The following TRPA1 variants were observed in gnomAD, a reference collection of about 807,000 sequenced individuals.
The protein encoded by TRPA1 is transient receptor potential cation channel subfamily A member 1, also known as ankyrin-like with transmembrane domains 1.
TRPA1 carries 129 observed loss-of-function variants against 131.3 expected under a neutral mutation model. That is an observed-to-expected ratio of 0.98 (90% CI 0.85 to 1.14). TRPA1 has a LOEUF of 1.14. Ranked by LOEUF, TRPA1 falls within the 50% of genes most tolerant of loss-of-function variation. The pLI is 0.00. For synonymous variants in TRPA1, 441 were observed against 451.7 expected, an observed-to-expected ratio of 0.98 and a Z score of 0.30; for missense variants, 1,304 against 1,354.2, an observed-to-expected ratio of 0.96 and a Z score of 0.58.
At chr8:72,057,629 C>A (rs1446198100) in intron 9 of TRPA1, 88 bp downstream of exon 9, 1 of 1,008,918 alleles carries the variant, frequency 9.9e-7, no homozygotes, top group Admixed American at 1.7e-5. Context: ...TGGTGGCACA[C>A]AATGAATGTT....
At chr8:72,057,871 A>G in intron 8 of TRPA1, 55 bp from the exon 9 acceptor site, 2 of 1,314,244 alleles carry the variant, frequency 1.5e-6, no homozygotes, top group Non-Finnish European at 2.2e-6. Context: ...AAATCATAAT[A>G]TATTGTAATC....
intron 23 of TRPA1, among the ~76,000 whole-genome samples, chr8:72,030,179 C>T (rs1182635946): frequency 6.6e-6 from 1 of 152,110 alleles, no homozygotes; most frequent in African/African-American, 2.4e-5. Context: ...AGAACCCATT[C>T]CTCATAGGTG....
intron 24 of TRPA1, among the ~76,000 whole-genome samples, chr8:72,028,884 C>T (rs755816500): frequency 6.6e-6 from 1 of 152,120 alleles, no homozygotes; most frequent in Admixed American, 6.5e-5. Flanking sequence ...GAAGAGGAGA[C>T]AAGAGTGAAT....
intron 4 of TRPA1, among the ~76,000 whole-genome samples, chr8:72,065,179 T>C (rs1387031108): frequency 2.0e-5 from 3 of 152,202 alleles, no homozygotes. Context: ...ACCAGCTTCA[T>C]CTCAACTTTT....
chr8:72,055,157 C>T (rs1805630137), intron 12 of TRPA1: 1 of 398,268 alleles, frequency 2.5e-6, no homozygotes, highest in South Asian at 2.8e-5. Context: ...AAGAAAGGTT[C>T]TGAGAAAGAC....
chr8:72,032,395 A>G (rs1052221079), intron 23 of TRPA1, among the ~76,000 whole-genome samples: 10 of 152,190 alleles, frequency 6.6e-5, no homozygotes, highest in Admixed American at 1.3e-4. Context: ...AGCAGATGTG[A>G]CAGCCAAAGA....
In TRPA1 at chr8:72,065,472, A is replaced by G; in HGVS notation, c.531T>C (p.Asn177=). The change falls in exon 4 of 27, where the codon AAT becomes AAC. Residue 177 remains asparagine (N), a synonymous_variant. Transcript: ENST00000262209. ...AAACCAAAATCTGCAATGCTTCGCT[A>G]TTATTTGTGGTGCACGCAATGATCA... The part of the protein sequence containing the change: ...TAVIIACTTN[N]SEALQILLKK... The G allele has an allele frequency of 1.9e-6, 3 of 1,613,488 alleles. No homozygotes were observed. Among genetic ancestry groups the G allele is most frequent in the Non-Finnish European group, 2.5e-6 (3 of 1,179,624 alleles).
intron 23 of TRPA1, among the ~76,000 whole-genome samples, chr8:72,030,621 A>T (rs1811781131): frequency 6.6e-6 from 1 of 152,122 alleles, no homozygotes; most frequent in Non-Finnish European, 1.5e-5. Flanking sequence ...GTTTTTTTTA[A>T]ATGAGAGGGA....
chr8:72,047,924 C>T (rs1000422769), intron 15 of TRPA1, among the ~76,000 whole-genome samples: 1 of 151,926 alleles, frequency 6.6e-6, no homozygotes, highest in Admixed American at 6.6e-5. Flanking sequence ...ATTTTTCATC[C>T]CAGCAATGGA....
rs1292667840 is a variant in TRPA1 at position 72,050,724 on chromosome 8, C to T, written c.1905+54G>A. 2.5e-6 allele frequency: 3 copies of T among 1,180,778 alleles called. No individual in the cohort carries two copies. In the Admixed American group the frequency reaches 5.1e-5, roughly 20 times the overall value. The allele number at this position is 1,180,778 out of a possible 1,614,324, so 73.1% of individuals were successfully genotyped here. ...AATTATTATTATTAGGTTGTGATTA[C>T]AACAACATATGTCAAGCATAAACCC... On this transcript the variant is annotated intron_variant, in intron 15 of 26. Coordinates refer to ENST00000262209, the MANE Select transcript of TRPA1 (RefSeq NM_007332.3).
chr8:72,046,519 G>C lies in TRPA1; in HGVS notation c.2055C>G (p.Ala685=), dbSNP rs368191226. 11 of 1,564,714 alleles carry C rather than the reference G, an allele frequency of 7.0e-6. No individual in the cohort carries two copies. The highest frequency in any genetic ancestry group is 9.6e-6 in the Non-Finnish European group (11 of 1,143,458). ...ATGAAAACATTGAACTTACGTTGAG[G>C]GCTGTAAGCGGTTCATATATAACAT... is the stretch of plus-strand genomic sequence containing the variant. ...TQDVIYEPLT[A]LNAMVQNNRI... The change falls in exon 17 of 27, where the codon GCC becomes GCG. Residue 685 remains alanine, a synonymous_variant. Transcript: ENST00000262209.
At chr8:72,080,946 C>T in the TRPA1 span, among the ~76,000 whole-genome samples, 3 of 151,692 alleles carry the variant, frequency 2.0e-5, no homozygotes, top group Non-Finnish European at 3.0e-5. Context: ...TCTTTCCTAG[C>T]TAATAGTTTA....
At chr8:72,075,848 C>A (rs1225182296), upstream of TRPA1, among the ~76,000 whole-genome samples, 3 of 143,542 alleles carry the variant, frequency 2.1e-5, no homozygotes, top group African/African-American at 7.8e-5. Flanking sequence ...TGCCCCCCAA[C>A]CTTGCATGTG....
At chr8:72,072,549 T>C (rs569683274) in intron 1 of TRPA1, among the ~76,000 whole-genome samples, 1 of 152,332 alleles carries the variant, frequency 6.6e-6, no homozygotes, top group East Asian at 1.9e-4. Context: ...CATATAACTT[T>C]AGTGACTACA....
At chr8:72,057,872 T>A (rs1338916667) in intron 8 of TRPA1, 56 bp from the exon 9 acceptor site, 1 of 1,284,930 alleles carries the variant, frequency 7.8e-7, no homozygotes, top group African/African-American at 1.5e-5. Context: ...AATCATAATA[T>A]ATTGTAATCT....
At chr8:72,079,206 T>C (rs1345281732), upstream of TRPA1, among the ~76,000 whole-genome samples, 4 of 151,992 alleles carry the variant, frequency 2.6e-5, no homozygotes, top group Non-Finnish European at 4.4e-5. Flanking sequence ...ATTTTCTTAA[T>C]AGTGCCTTTT....
chr8:72,025,229 G>A (rs1811555548), intron 25 of TRPA1, among the ~76,000 whole-genome samples: 1 of 151,950 alleles, frequency 6.6e-6, no homozygotes, highest in African/African-American at 2.4e-5. Context: ...ACTGGGTGGA[G>A]GTAATTGTAT....
chr8:72,085,255 A>G, the TRPA1 span, among the ~76,000 whole-genome samples: 1 of 152,154 alleles, frequency 6.6e-6, no homozygotes, highest in South Asian at 2.1e-4. Flanking sequence ...TTTTTAATAT[A>G]GCATTTTATA....
rs1806002703 is a variant in TRPA1 at position 72,069,286 on chromosome 8, C to T, written c.269-88G>A. 9.8e-6 allele frequency: 13 copies of T among 1,322,540 alleles called. No individual in the cohort carries two copies. The South Asian group carries it at 1.1e-4, about 11-fold the overall frequency. 81.9% of individuals were successfully genotyped at this position (1,322,540 alleles called of 1,614,324 possible). A position where few individuals can be genotyped will look rare whatever the true frequency, so the allele number is the denominator to read the frequency against. ...TGCCTATACACTATAAAACTCAGTG[C>T]CAAGTGCAAATGAAATCAGCTGCAT... On this transcript the variant is annotated intron_variant, in intron 2 of 26. Transcript: ENST00000262209.
Sources: gnomAD v4.1 joint callset for allele counts (sites outside exome capture counted in the v4.1 genomes callset) on GRCh38, gnomAD v4.1.1 for gene constraint, MANE v1.5 for transcripts, NCBI Gene and HGNC (gene_info 2026-07-23, HGNC 2026-07-21) for gene names.